HHAT: variants seen among roughly 807,000 people sequenced by gnomAD.
HHAT encodes the protein protein-cysteine N-palmitoyltransferase HHAT.
HHAT carries 47 observed loss-of-function variants against 70.8 expected under a neutral mutation model. The observed-to-expected ratio is 0.66, with a 90% confidence interval of 0.53 to 0.85. The LOEUF is 0.85. Ranked by LOEUF, HHAT falls within the 40% of genes least tolerant of loss-of-function variation. HHAT has a pLI of 0.00. For missense variants in HHAT, 609 were observed against 604.8 expected (o/e 1.01, Z -0.07); for synonymous variants, 228 against 247.6 (o/e 0.92, Z 0.74).
chr1:210,442,319 A>G (rs1392475515), intron 7 of HHAT, among the ~76,000 whole-genome samples: 3 of 136,736 alleles, frequency 2.2e-5, no homozygotes, highest in African/African-American at 8.2e-5. Flanking sequence ...ATACGTGTGC[A>G]TGTGTCTTTA....
At chr1:210,473,229 A>G (rs1046709689) in intron 8 of HHAT, among the ~76,000 whole-genome samples, 1 of 152,162 alleles carries the variant, frequency 6.6e-6, no homozygotes, top group African/African-American at 2.4e-5. Context: ...ATGCTATACT[A>G]GAGTCAGGTT....
intron 9 of HHAT, among the ~76,000 whole-genome samples, chr1:210,550,818 C>T (rs964340692): frequency 6.7e-5 from 10 of 148,584 alleles, no homozygotes; most frequent in African/African-American, 1.5e-4. Flanking sequence ...TATAGGCATA[C>T]GCTACCACCC....
chr1:210,386,230 C>CTTT lies in HHAT; in HGVS notation c.160-1214_160-1212dup, dbSNP rs869305965. On this transcript the variant is annotated intron_variant, in intron 3 of 11. Transcript: ENST00000261458. ...ATTGCAGGAGTCCTTTTCTTTTTTT[C>CTTT]TTTTTTTTTTTTTTTTTTTTTTTTT... Among the ~76,000 whole-genome samples the CTTT allele has an allele frequency of 7.2e-3, 503 of 69,910 alleles. 54 individuals carry two copies. The highest frequency in any genetic ancestry group is 0.011 in the South Asian group (18 of 1,578). 45.9% of individuals were successfully genotyped at this position (69,910 alleles called of 152,430 possible).
rs572029392 is a variant in HHAT, at chr1:210,559,001, G to A, written c.1044-28897G>A. Reference sequence around the variant, plus strand: ...AATTAGTGACTCATGGAATTAGATGGTATCTAACTTGGTAGAATCCCGTTC... The same window carrying A: ...AATTAGTGACTCATGGAATTAGATGATATCTAACTTGGTAGAATCCCGTTC... On this transcript the variant is annotated intron_variant, in intron 9 of 11. Coordinates refer to ENST00000261458, the MANE Select transcript of HHAT (RefSeq NM_018194.6). Among the ~76,000 whole-genome samples, 12 of 152,252 alleles carry A rather than the reference G, an allele frequency of 7.9e-5. No homozygotes were observed. In the South Asian group the frequency reaches 2.5e-3, roughly 32 times the overall value.
intron 3 of HHAT, among the ~76,000 whole-genome samples, chr1:210,381,084 C>T (rs1294501266): frequency 6.6e-6 from 1 of 151,636 alleles, no homozygotes; most frequent in Admixed American, 6.6e-5. Context: ...GTGAGTAGAG[C>T]ACAGTCTGCG....
intron 7 of HHAT, among the ~76,000 whole-genome samples, chr1:210,445,928 G>T (rs928731569): frequency 2.0e-5 from 3 of 151,950 alleles, no homozygotes; most frequent in East Asian, 1.9e-4. Context: ...ACAACGTGCA[G>T]GTTAGTTACA....
In HHAT at chr1:210,537,142, A is replaced by T. The variant is rs141380839; in HGVS notation, c.1043+23954A>T. Among the ~76,000 whole-genome samples the T allele has an allele frequency of 4.5e-3, 684 of 152,282 alleles. 4 individuals carry two copies. Among genetic ancestry groups the T allele is most frequent in the African/African-American group, 0.016 (659 of 41,558 alleles). ...AATGTCTAGAAAACACTGAGAAAAG[A>T]TGAACAAAATAAACACTGAAAAGTA... On this transcript the variant is annotated intron_variant, in intron 9 of 11. Coordinates refer to ENST00000261458, the MANE Select transcript of HHAT (RefSeq NM_018194.6).
chr1:210,547,548 G>A (rs951635176), intron 9 of HHAT, among the ~76,000 whole-genome samples: 11 of 152,170 alleles, frequency 7.2e-5, no homozygotes, highest in Non-Finnish European at 1.3e-4. Context: ...TATTTTATCT[G>A]CGTATTAAGG....
At chr1:210,455,011 C>T (rs2093833604) in intron 7 of HHAT, among the ~76,000 whole-genome samples, 1 of 152,170 alleles carries the variant, frequency 6.6e-6, no homozygotes, top group African/African-American at 2.4e-5. Flanking sequence ...GCCCTTTCTA[C>T]AGATCACTGG....
chr1:210,447,483 C>T (rs1300191079), intron 7 of HHAT, among the ~76,000 whole-genome samples: 1 of 152,124 alleles, frequency 6.6e-6, no homozygotes, highest in Non-Finnish European at 1.5e-5. Context: ...TTAATCATAC[C>T]CTTGGAAAGA....
chr1:210,653,921 G>A (rs374986153), intron 11 of HHAT, among the ~76,000 whole-genome samples: 6 of 2,668 alleles, frequency 2.2e-3, no homozygotes, highest in East Asian at 0.011. Context: ...GTGTGACAGT[G>A]GAATACTGTG....
chr1:210,348,461 A>T (rs892868163), intron 1 of HHAT, among the ~76,000 whole-genome samples: 1 of 152,080 alleles, frequency 6.6e-6, no homozygotes, highest in Admixed American at 6.5e-5. Flanking sequence ...AGAGGTTTGT[A>T]TACTGTTTGT....
intron 1 of HHAT, among the ~76,000 whole-genome samples, chr1:210,345,476 G>C (rs582412): frequency 0.42 from 64,116 of 151,790 alleles, 13,923 homozygotes; most frequent in African/African-American, 0.48. Flanking sequence ...TGGTTTAACC[G>C]ACCACCATCA....
chr1:210,642,899 A>G (rs907372786), intron 11 of HHAT, among the ~76,000 whole-genome samples: 1 of 152,100 alleles, frequency 6.6e-6, no homozygotes, highest in Non-Finnish European at 1.5e-5. Flanking sequence ...CTATGTTCTG[A>G]TTAGGAAATA....
At chr1:210,418,438 C>A in intron 7 of HHAT, 113 bp downstream of exon 7, 1 of 909,558 alleles carries the variant, frequency 1.1e-6, no homozygotes, top group South Asian at 2.0e-5. Context: ...AGCAAACCCT[C>A]TTTATTATTA....
At chr1:210,480,620 A>G (rs559875826) in intron 8 of HHAT, among the ~76,000 whole-genome samples, 28 of 152,300 alleles carry the variant, frequency 1.8e-4, no homozygotes, top group Admixed American at 1.5e-3. Flanking sequence ...AGCCCGTTAC[A>G]TCCTGCACCC....
chr1:210,438,673 T>C (rs1235481405), intron 7 of HHAT, among the ~76,000 whole-genome samples: 1 of 151,764 alleles, frequency 6.6e-6, no homozygotes, highest in Non-Finnish European at 1.5e-5. Flanking sequence ...GGTCTGGAAA[T>C]TGGGTAAATG....
At chr1:210,482,676 C>T (rs750683673) in intron 8 of HHAT, among the ~76,000 whole-genome samples, 11 of 152,132 alleles carry the variant, frequency 7.2e-5, no homozygotes, top group South Asian at 4.1e-4. Flanking sequence ...AAATAATTCA[C>T]GTCACGTTGC....
intron 11 of HHAT, among the ~76,000 whole-genome samples, chr1:210,629,396 C>T (rs562177539): frequency 2.0e-4 from 30 of 152,356 alleles, no homozygotes; most frequent in Admixed American, 5.9e-4. Flanking sequence ...AACCAGAGAA[C>T]ACTTAAAGCT....
Sources: gnomAD v4.1 joint callset for allele counts (sites outside exome capture counted in the v4.1 genomes callset) on GRCh38, gnomAD v4.1.1 for gene constraint, MANE v1.5 for transcripts, NCBI Gene and HGNC (gene_info 2026-07-23, HGNC 2026-07-21) for gene names.